Variants in CASS4 observed in about 807,000 individuals in gnomAD.
The protein encoded by CASS4 is cas scaffolding protein family member 4.
CASS4 carries 22 observed loss-of-function variants against 54.2 expected under a neutral mutation model. The observed-to-expected ratio is 0.41, with a 90% CI of 0.29 to 0.58. The LOEUF (loss-of-function observed/expected upper bound fraction) is 0.58. CASS4 is among the 20% of genes least tolerant of loss of function. The pLI, the probability that CASS4 is intolerant of heterozygous loss-of-function variation, is 0.36. For synonymous variants in CASS4, 409 were observed against 391.5 expected (o/e 1.04, Z -0.53); for missense variants, 854 against 986.7 (o/e 0.87, Z 1.80).
At chr20:56,424,503 G>A (rs1397096021) in intron 1 of CASS4, among the ~76,000 whole-genome samples, 2 of 152,086 alleles carry the variant, frequency 1.3e-5, no homozygotes, top group East Asian at 3.9e-4. Flanking sequence ...CACTTTGGGA[G>A]GTCAAGGCGG....
At chr20:56,441,821 T>G (rs1326748467) in intron 2 of CASS4, among the ~76,000 whole-genome samples, 1 of 152,160 alleles carries the variant, frequency 6.6e-6, no homozygotes, top group Non-Finnish European at 1.5e-5. Context: ...TTTTCTAAAG[T>G]CACCTTCAGA....
chr20:56,446,637 T>C (rs1368130573), intron 3 of CASS4, among the ~76,000 whole-genome samples: 1 of 152,254 alleles, frequency 6.6e-6, no homozygotes, highest in Admixed American at 6.5e-5. Flanking sequence ...TCTTAGCCCA[T>C]CCAAATGCTC....
intron 2 of CASS4, among the ~76,000 whole-genome samples, chr20:56,438,315 C>G (rs554607064): frequency 6.6e-6 from 1 of 151,508 alleles, no homozygotes; most frequent in South Asian, 2.1e-4. Flanking sequence ...ATATCCCCTT[C>G]AATGCAGAAA....
At position 56,458,583 on chromosome 20, in the gene CASS4, A is replaced by G; in HGVS notation, c.2197A>G (p.Ile733Val). ...CCAGGAGAGGGACGTGCGCAACGAG[A>G]TCCTCCGTGGCAGCAGTCACCTCTG... The part of the protein sequence containing the change: ...ETQERDVRNE[I>V]LRGSSHLCSL... Residue 733 changes from isoleucine (I) to valine (V), a missense_variant, in exon 6 of 6, where the codon ATC (isoleucine) becomes GTC (valine). By Grantham distance (29) the Ile-to-Val change is conservative. Transcript: ENST00000679887. 2.5e-6 allele frequency: 4 copies of G among 1,613,952 alleles called. No individual in the cohort carries two copies. In the South Asian group the frequency reaches 4.4e-5, roughly 18 times the overall value.
At chr20:56,447,956 C>A (rs957453432) in intron 3 of CASS4, among the ~76,000 whole-genome samples, 1 of 152,094 alleles carries the variant, frequency 6.6e-6, no homozygotes, top group Non-Finnish European at 1.5e-5. Context: ...CCCTGGCTAA[C>A]GCGGTGAAAC....
At position 56,452,651 on chromosome 20, in the gene CASS4, A is replaced by G. The variant is rs145762733; in HGVS notation, c.1475A>G (p.Glu492Gly). 3.1e-6 allele frequency: 5 copies of G among 1,614,044 alleles called. No homozygotes were observed. The African/African-American group carries it at 6.7e-5, about 22-fold the overall frequency. Reference sequence around the variant, plus strand: ...GATCACATAGAAGAATCTGTAAGAGAATTTCTGGATTTTGCCCGAGGAGTC... The same window carrying G: ...GATCACATAGAAGAATCTGTAAGAGGATTTCTGGATTTTGCCCGAGGAGTC... The part of the protein sequence containing the change: ...STDHIEESVR[E>G]FLDFARGVHG... The change falls in exon 5 of 6, where the codon GAA becomes GGA. Residue 492 changes from glutamate to glycine, a missense_variant. By Grantham distance (98) the Glu-to-Gly change is moderately conservative (BLOSUM62 -2). Coordinates refer to ENST00000679887, the MANE Select transcript of CASS4 (RefSeq NM_020356.4).
chr20:56,417,613 A>G (rs375458336), intron 1 of CASS4, among the ~76,000 whole-genome samples: 5 of 152,332 alleles, frequency 3.3e-5, no homozygotes, highest in South Asian at 2.1e-4. Context: ...GGTGCCTACA[A>G]CAGTGCCTGC....
At chr20:56,429,658 T>C (rs1979812164) in intron 1 of CASS4, among the ~76,000 whole-genome samples, 1 of 152,046 alleles carries the variant, frequency 6.6e-6, no homozygotes, top group Middle Eastern at 3.4e-3. Context: ...ACCCACGCAC[T>C]CCGGCCTCCA....
At position 56,432,174 on chromosome 20, in the gene CASS4, CA is replaced by C. The variant is rs752598850; in HGVS notation, c.37-4988del. Among the ~76,000 whole-genome samples the C allele has an allele frequency of 3.3e-5, 5 of 152,108 alleles. No homozygotes were observed. The South Asian group carries it at 1.0e-3, about 32-fold the overall frequency. On this transcript the variant is annotated intron_variant, in intron 1 of 5. Coordinates refer to ENST00000679887, the MANE Select transcript of CASS4 (RefSeq NM_020356.4). ...ATTAAGGCATATTAGAGTGTGATTG[CA>C]AGGCTAAGTATGAAACTGGTTAAAG...
At chr20:56,436,189 A>T (rs189728984) in intron 1 of CASS4, among the ~76,000 whole-genome samples, 6 of 152,194 alleles carry the variant, frequency 3.9e-5, no homozygotes, top group Non-Finnish European at 8.8e-5. Flanking sequence ...TCAGAAGGAA[A>T]ATAGCAAAAA....
intron 1 of CASS4, among the ~76,000 whole-genome samples, chr20:56,427,323 T>G (rs1979690878): frequency 6.6e-6 from 1 of 152,182 alleles, no homozygotes; most frequent in Admixed American, 6.5e-5. Context: ...TCTTCCCTTT[T>G]TGGAGAATGT....
chr20:56,417,292 G>C (rs899342537), intron 1 of CASS4, among the ~76,000 whole-genome samples: 5 of 152,168 alleles, frequency 3.3e-5, no homozygotes, highest in African/African-American at 1.2e-4. Flanking sequence ...AGCTGACCTG[G>C]CCCTTCAGGG....
intron 1 of CASS4, among the ~76,000 whole-genome samples, chr20:56,424,740 CA>C (rs759106984): frequency 0.17 from 12,126 of 71,812 alleles, 424 homozygotes; most frequent in African/African-American, 0.3. Flanking sequence ...GACTCTGTCT[CA>C]AAAAAAAAAA....
At chr20:56,423,021 C>T (rs918987126) in intron 1 of CASS4, among the ~76,000 whole-genome samples, 1 of 152,106 alleles carries the variant, frequency 6.6e-6, no homozygotes, top group African/African-American at 2.4e-5. Context: ...CCCATCCTTC[C>T]CCATGGCTGG....
chr20:56,452,050 C>A lies in CASS4; in HGVS notation c.874C>A (p.Pro292Thr), dbSNP rs1157995222. The change falls in exon 5 of 6, where the codon CCA becomes ACA. Residue 292 changes from proline (P) to threonine (T), a missense_variant. Pro to Thr is a conservative substitution (Grantham distance 38). Coordinates refer to ENST00000679887, the MANE Select transcript of CASS4 (RefSeq NM_020356.4). ...AAGTGGCAGATCCAGGTCCCTCACT[C>A]CACAACTGAATAACAATGTGCCCAT... is the stretch of plus-strand genomic sequence containing the variant. ...PPSGRSRSLTPQLNNNVPMQK... is the reference protein window; with the variant it reads ...PPSGRSRSLTTQLNNNVPMQK... 1 of 1,614,066 alleles carries A rather than the reference C, an allele frequency of 6.2e-7. No homozygotes were observed. The highest frequency in any genetic ancestry group is 1.3e-5 in the African/African-American group (1 of 74,922).
chr20:56,437,086 C>A lies in CASS4; in HGVS notation c.37-78C>A. The A allele has an allele frequency of 7.9e-7, 1 of 1,268,360 alleles. No individual in the cohort carries two copies. The highest frequency in any genetic ancestry group is 2.4e-5 in the Admixed American group (1 of 42,334). 78.6% of individuals were successfully genotyped at this position (1,268,360 alleles called of 1,614,324 possible). A position where few individuals can be genotyped will look rare whatever the true frequency, so the allele number is the denominator to read the frequency against. On this transcript the variant is annotated intron_variant, in intron 1 of 5. Transcript: ENST00000679887. The surrounding 1 kb of genome is among the most constrained non-coding windows in gnomAD (Gnocchi z 4.7). ...GCATGATGAATTTGTATGAAGCTTT[C>A]TAAGAGAGTGGGATTGGAGTAGCAG... is the stretch of plus-strand genomic sequence containing the variant.
chr20:56,415,331 C>T (rs1393509363), intron 1 of CASS4, among the ~76,000 whole-genome samples: 1 of 152,088 alleles, frequency 6.6e-6, no homozygotes, highest in African/African-American at 2.4e-5. Flanking sequence ...TTTACGTAGG[C>T]CACCCCCACC....
chr20:56,418,341 G>A (rs1979244198), intron 1 of CASS4, among the ~76,000 whole-genome samples: 1 of 152,176 alleles, frequency 6.6e-6, no homozygotes, highest in Admixed American at 6.5e-5. Context: ...TCAAAGAAGA[G>A]TAAACCAAGA....
At chr20:56,450,408 C>T (rs2146293979) in intron 3 of CASS4, among the ~76,000 whole-genome samples, 191 bp from the exon 4 acceptor site, 1 of 152,280 alleles carries the variant, frequency 6.6e-6, no homozygotes, top group African/African-American at 2.4e-5. Flanking sequence ...CCCTGCGTTG[C>T]CTCAGACAAG....
Sources: gnomAD v4.1 joint callset for allele counts (sites outside exome capture counted in the v4.1 genomes callset) on GRCh38, gnomAD v4.1.1 for gene constraint, Gnocchi (gnomAD v3.1) non-coding constraint, MANE v1.5 for transcripts, NCBI Gene and HGNC (gene_info 2026-07-23, HGNC 2026-07-21) for gene names.